The following SLC15A2 variants were observed in gnomAD, a reference collection of about 807,000 sequenced individuals.
The protein encoded by SLC15A2 is solute carrier family 15 member 2, also known as kidney H(+)/peptide cotransporter.
Under a neutral mutation model 95.5 loss-of-function variants are expected in SLC15A2, and 77 were observed. The observed-to-expected ratio is 0.81, with a 90% CI of 0.67 to 0.97. SLC15A2 has a LOEUF of 0.97. Ranked by LOEUF, SLC15A2 falls within the 50% of genes least tolerant of loss-of-function variation. SLC15A2 has a pLI of 0.00. For synonymous variants in SLC15A2, 306 were observed against 306.9 expected (o/e 1.00, Z 0.03); for missense variants, 893 against 874.4 (o/e 1.02, Z -0.27).
chr3:121,940,888 A>G lies in SLC15A2; in HGVS notation c.2071A>G (p.Ile691Val), dbSNP rs1710449416. 6.2e-7 allele frequency: 1 copy of G among 1,613,978 alleles called. No homozygotes were observed. The highest frequency in any genetic ancestry group is 8.5e-7 in the Non-Finnish European group (1 of 1,180,020). ...GCTGGTGATCTGCCTGATCTTCTCC[A>G]TCATGGGCTACTACTATGTTCCTGT... ...LLLVICLIFS[I>V]MGYYYVPVKT... Residue 691 changes from isoleucine to valine, a missense_variant, in exon 22 of 22, where the codon ATC (isoleucine) becomes GTC (valine). Ile to Val is a conservative substitution (Grantham distance 29). Transcript: ENST00000489711.
intron 19 of SLC15A2, chr3:121,939,144 A>G (rs559412555): frequency 7.7e-6 from 3 of 390,102 alleles, no homozygotes; most frequent in South Asian, 2.6e-4. Flanking sequence ...GTCAATAATG[A>G]TATCTGATTG....
At position 121,922,154 on chromosome 3, in the gene SLC15A2, T is replaced by C. The variant is rs1710017791; in HGVS notation, c.698-66T>C. On this transcript the variant is annotated intron_variant, in intron 7 of 21. Coordinates refer to ENST00000489711, the MANE Select transcript of SLC15A2 (RefSeq NM_021082.4). ...TTGCCATTGAAAGTAATGGCAAAACTGCAATAACCTTTGCACCAACCTAAT... is the reference window on the plus strand; with the variant it reads ...TTGCCATTGAAAGTAATGGCAAAACCGCAATAACCTTTGCACCAACCTAAT... 2.1e-5 allele frequency: 28 copies of C among 1,353,708 alleles called. No individual in the cohort carries two copies. In the South Asian group the frequency reaches 3.3e-4, roughly 16 times the overall value. The allele number at this position is 1,353,708 out of a possible 1,614,324, so 83.9% of individuals were successfully genotyped here. A position where few individuals can be genotyped will look rare whatever the true frequency, so the allele number is the denominator to read the frequency against.
At chr3:121,939,284 G>A (rs1710413895) in intron 19 of SLC15A2, 65 bp from the exon 20 acceptor site, 18 of 1,243,044 alleles carry the variant, frequency 1.4e-5, no homozygotes, top group Non-Finnish European at 1.8e-5. Flanking sequence ...ATCGTAGAAT[G>A]CTGTAGTTAG....
At chr3:121,913,192 A>G (rs1709809360) in intron 5 of SLC15A2, 72 bp downstream of exon 5, 2 of 1,138,560 alleles carry the variant, frequency 1.8e-6, no homozygotes, top group African/African-American at 1.5e-5. Flanking sequence ...GCAGGTAGCC[A>G]TTTGCCAAGA....
intron 4 of SLC15A2, among the ~76,000 whole-genome samples, chr3:121,911,978 C>A (rs1469794443): frequency 6.6e-6 from 1 of 152,114 alleles, no homozygotes; most frequent in Non-Finnish European, 1.5e-5. Flanking sequence ...TTAAAAAAAA[C>A]TCTATAATGT....
intron 3 of SLC15A2, among the ~76,000 whole-genome samples, chr3:121,900,777 C>T (rs2107569198): frequency 6.6e-6 from 1 of 152,108 alleles, no homozygotes; most frequent in Non-Finnish European, 1.5e-5. Context: ...TGCCCCCTCA[C>T]CTTTTACTAT....
At chr3:121,924,211 T>C in intron 11 of SLC15A2, 140 bp from the exon 12 acceptor site, 6 of 694,652 alleles carry the variant, frequency 8.6e-6, no homozygotes, top group Non-Finnish European at 1.5e-5. Flanking sequence ...AACAGCAAAA[T>C]AGTGGCCCTG....
At chr3:121,918,867 A>G (rs1709948725) in intron 7 of SLC15A2, among the ~76,000 whole-genome samples, 1 of 152,194 alleles carries the variant, frequency 6.6e-6, no homozygotes, top group Non-Finnish European at 1.5e-5. Context: ...GGAGACTGAG[A>G]AGTAAATGTT....
chr3:121,916,877 G>A (rs1009223110), intron 7 of SLC15A2, among the ~76,000 whole-genome samples: 29 of 151,932 alleles, frequency 1.9e-4, no homozygotes, highest in African/African-American at 7.0e-4. Context: ...CTGGAGTGCA[G>A]TGGCATGATC....
intron 19 of SLC15A2, among the ~76,000 whole-genome samples, chr3:121,937,827 G>A (rs1018859429): frequency 6.6e-6 from 1 of 152,172 alleles, no homozygotes; most frequent in Non-Finnish European, 1.5e-5. Context: ...TTCCTTTGGA[G>A]GAGGAGAGGT....
At chr3:121,938,630 C>T (rs766385712) in intron 19 of SLC15A2, among the ~76,000 whole-genome samples, 65 of 152,366 alleles carry the variant, frequency 4.3e-4, no homozygotes, top group South Asian at 1.7e-3. Context: ...GGCTCGCACA[C>T]GGTGTGCTGC....
chr3:121,928,553 C>A lies in SLC15A2; in HGVS notation c.1339C>A (p.Gln447Lys). Residue 447 changes from glutamine (Q) to lysine (K), a missense_variant and splice_region_variant, in exon 15 of 22, where the codon CAG becomes AAG. By Grantham distance (53) the Gln-to-Lys change is moderately conservative (BLOSUM62 1). Transcript: ENST00000489711. ...GTTGATAGAGTCCATCAAATCCTTT[C>A]AGGTGAGGTGTGTACCTGAATGAAT... is the stretch of plus-strand genomic sequence containing the variant. The part of the protein sequence containing the change: ...SLLIESIKSF[Q>K]KTPHYSKLHL... The A allele has an allele frequency of 6.2e-7, 1 of 1,613,884 alleles. No homozygotes were observed. Among genetic ancestry groups the A allele is most frequent in the Non-Finnish European group, 8.5e-7 (1 of 1,179,846 alleles).
At chr3:121,927,947 T>A in intron 14 of SLC15A2, 108 bp downstream of exon 14, 1 of 760,970 alleles carries the variant, frequency 1.3e-6, no homozygotes, top group Non-Finnish European at 2.2e-6. Flanking sequence ...AGTACCTGTT[T>A]TATAAGAGGT....
chr3:121,924,896 C>G (rs1193754854), intron 12 of SLC15A2, 49 bp from the exon 13 acceptor site: 7 of 1,333,646 alleles, frequency 5.2e-6, no homozygotes, highest in Non-Finnish European at 6.5e-6. Flanking sequence ...TGCTCACACT[C>G]ATGATAGGAG....
At chr3:121,911,346 G>A (rs1019844695) in intron 3 of SLC15A2, among the ~76,000 whole-genome samples, 1 of 152,126 alleles carries the variant, frequency 6.6e-6, no homozygotes, top group Non-Finnish European at 1.5e-5. Flanking sequence ...TGAAGGGAAT[G>A]TCTATTACCT....
At chr3:121,903,244 A>G (rs1576669910) in intron 3 of SLC15A2, among the ~76,000 whole-genome samples, 1 of 152,084 alleles carries the variant, frequency 6.6e-6, no homozygotes, top group Admixed American at 6.5e-5. Flanking sequence ...TAGATTCTAG[A>G]TATTAGCCCT....
intron 7 of SLC15A2, among the ~76,000 whole-genome samples, chr3:121,916,596 C>T (rs1464894845): frequency 6.6e-6 from 1 of 152,136 alleles, no homozygotes; most frequent in Non-Finnish European, 1.5e-5. Flanking sequence ...TCTTTACTTC[C>T]TTCTGCATTC....
intron 14 of SLC15A2, 95 bp from the exon 15 acceptor site, chr3:121,928,326 G>A (rs1710162269): frequency 1.4e-6 from 2 of 1,428,854 alleles, no homozygotes; most frequent in Admixed American, 4.5e-5. Context: ...TACTTGGCTA[G>A]TGGACTAGGC....
At chr3:121,906,394 A>T (rs926973747) in intron 3 of SLC15A2, among the ~76,000 whole-genome samples, 5 of 152,184 alleles carry the variant, frequency 3.3e-5, no homozygotes, top group African/African-American at 1.2e-4. Flanking sequence ...AATTTGATCC[A>T]ATCATTATGA....
Sources: gnomAD v4.1 joint callset for allele counts (sites outside exome capture counted in the v4.1 genomes callset) on GRCh38, gnomAD v4.1.1 for gene constraint, MANE v1.5 for transcripts, NCBI Gene and HGNC (gene_info 2026-07-23, HGNC 2026-07-21) for gene names.